RBL1: variants seen among roughly 807,000 people sequenced by gnomAD.
The protein encoded by RBL1 is retinoblastoma-like protein 1.
A neutral mutation model predicts 123.0 loss-of-function variants in RBL1; 82 were observed. The observed-to-expected ratio is 0.67, with a 90% CI of 0.56 to 0.80. The LOEUF (loss-of-function observed/expected upper bound fraction) is 0.80, where lower values mean the gene tolerates loss of function less well. Ranked by LOEUF, RBL1 falls within the 30% of genes least tolerant of loss-of-function variation. RBL1 has a pLI of 0.00. For missense variants in RBL1, 1,171 were observed against 1,299.6 expected, an observed-to-expected ratio of 0.90 and a Z score of 1.52; for synonymous variants, 405 against 441.3, an observed-to-expected ratio of 0.92 and a Z score of 1.03.
intron 16 of RBL1, among the ~76,000 whole-genome samples, chr20:37,023,040 C>G (rs1229593926): frequency 1.3e-5 from 2 of 152,026 alleles, no homozygotes; most frequent in Non-Finnish European, 2.9e-5. Context: ...TCATCTATTA[C>G]TCTATGCTGC....
chr20:37,016,906 AT>A (rs911493989), intron 19 of RBL1, among the ~76,000 whole-genome samples: 1 of 147,044 alleles, frequency 6.8e-6, no homozygotes, highest in Admixed American at 6.8e-5. Flanking sequence ...AAAAGAAAAA[AT>A]AAAAGAGAAA....
At chr20:37,060,079 G>A (rs1375985627) in intron 9 of RBL1, among the ~76,000 whole-genome samples, 1 of 152,076 alleles carries the variant, frequency 6.6e-6, no homozygotes, top group Admixed American at 6.6e-5. Context: ...GGCTGAGGCA[G>A]GAGAATCACT....
chr20:37,022,842 A>G lies in RBL1; in HGVS notation c.2383-16T>C. On this transcript the variant is annotated splice_polypyrimidine_tract_variant and intron_variant, in intron 16 of 21. Transcript: ENST00000373664. ...AATGATAGACCTAAAATAGAAGGTA[A>G]CACATTGATGCAAAACACCAAGTAA... 1 of 1,584,680 alleles carries G rather than the reference A, an allele frequency of 6.3e-7. No individual in the cohort carries two copies.
intron 16 of RBL1, among the ~76,000 whole-genome samples, chr20:37,028,884 G>A (rs2064463231): frequency 6.6e-6 from 1 of 152,134 alleles, no homozygotes; most frequent in Non-Finnish European, 1.5e-5. Flanking sequence ...TGATAGCAAA[G>A]CCAGACAAAG....
chr20:37,085,281 C>T lies in RBL1; in HGVS notation c.290+3708G>A, dbSNP rs535517471. Among the ~76,000 whole-genome samples the T allele has an allele frequency of 7.9e-5, 12 of 151,654 alleles. No individual in the cohort carries two copies. In the South Asian group the frequency reaches 1.9e-3, roughly 24 times the overall value. On this transcript the variant is annotated intron_variant, in intron 2 of 21. Coordinates refer to ENST00000373664, the MANE Select transcript of RBL1 (RefSeq NM_002895.5). ...CCCAGTAGCTAGGATTACAGGCACC[C>T]GCAACCACGCCCAGCTAATTTTTTT...
intron 20 of RBL1, among the ~76,000 whole-genome samples, chr20:37,005,092 G>T (rs1225605771): frequency 6.6e-6 from 1 of 151,894 alleles, no homozygotes; most frequent in Non-Finnish European, 1.5e-5. Context: ...CCACGAGCAT[G>T]AGAACCTCAT....
intron 19 of RBL1, among the ~76,000 whole-genome samples, chr20:37,012,678 G>A (rs1480598535): frequency 4.1e-5 from 6 of 147,798 alleles, no homozygotes; most frequent in South Asian, 4.3e-4. Context: ...CAGCCACCCC[G>A]TCCGGGAGGG....
chr20:37,003,859 G>A lies in RBL1; in HGVS notation c.2879C>T (p.Ala960Val), dbSNP rs763985224. ...DLANQDHMMD[A>V]PPLSPFPHIK... ...ATGTGGAAAAGGAGAGAGTGGTGGAGCATCCATCTAAAATAACCCAAAAGT... is the reference window on the plus strand; with the variant it reads ...ATGTGGAAAAGGAGAGAGTGGTGGAACATCCATCTAAAATAACCCAAAAGT... Residue 960 changes from alanine to valine, a missense_variant, in exon 21 of 22, where the codon GCT becomes GTT. Coordinates refer to ENST00000373664, the MANE Select transcript of RBL1 (RefSeq NM_002895.5). 6.2e-7 allele frequency: 1 copy of A among 1,604,442 alleles called. No individual in the cohort carries two copies. The highest frequency in any genetic ancestry group is 8.5e-7 in the Non-Finnish European group (1 of 1,176,584).
intron 18 of RBL1, among the ~76,000 whole-genome samples, chr20:37,019,258 C>G (rs1321239569): frequency 1.3e-5 from 2 of 152,114 alleles, no homozygotes; most frequent in Non-Finnish European, 2.9e-5. Context: ...CCAGCCCATT[C>G]CCATCTCCTT....
Position 37,032,877 on chromosome 20 carries a change from C to A in RBL1, c.2171-1G>T. The A allele has an allele frequency of 3.1e-6, 5 of 1,613,654 alleles. No homozygotes were observed. Among genetic ancestry groups the A allele is most frequent in the Non-Finnish European group, 4.2e-6 (5 of 1,179,928 alleles). ...ATCTCTCCAGCATCATTTGCGACACCTGAATGTATAAGCATTATTAGAAAT... is the reference window on the plus strand; with the variant it reads ...ATCTCTCCAGCATCATTTGCGACACATGAATGTATAAGCATTATTAGAAAT... On this transcript the variant is annotated splice_acceptor_variant, in intron 15 of 21. Coordinates refer to ENST00000373664, the MANE Select transcript of RBL1 (RefSeq NM_002895.5). LOFTEE classifies it high-confidence loss of function.
At chr20:37,086,407 T>G (rs2065546392) in intron 2 of RBL1, among the ~76,000 whole-genome samples, 1 of 151,966 alleles carries the variant, frequency 6.6e-6, no homozygotes, top group Non-Finnish European at 1.5e-5. Flanking sequence ...GCCAACATGG[T>G]GAAACCCTCT....
At chr20:37,085,439 G>A (rs2065526311) in intron 2 of RBL1, among the ~76,000 whole-genome samples, 1 of 151,716 alleles carries the variant, frequency 6.6e-6, no homozygotes, top group Admixed American at 6.6e-5. Context: ...CGTGGCCAAG[G>A]ATACTGCTTT....
At chr20:37,076,679 C>T (rs1168813542) in intron 2 of RBL1, among the ~76,000 whole-genome samples, 6 of 152,182 alleles carry the variant, frequency 3.9e-5, no homozygotes, top group African/African-American at 1.4e-4. Flanking sequence ...GAAAGTGAAA[C>T]CAAGGATAAA....
chr20:37,011,741 G>C (rs2064151444), intron 19 of RBL1, among the ~76,000 whole-genome samples: 1 of 151,996 alleles, frequency 6.6e-6, no homozygotes, highest in Non-Finnish European at 1.5e-5. Flanking sequence ...AGCCAGAAAT[G>C]GGTTTTTACT....
chr20:37,062,334 G>T, intron 7 of RBL1, 64 bp from the exon 8 acceptor site: 1 of 1,553,794 alleles, frequency 6.4e-7, no homozygotes, highest in Non-Finnish European at 8.7e-7. Context: ...TTGACTTGAA[G>T]ATAGATTTAG....
At chr20:37,049,304 T>C in intron 11 of RBL1, 1 of 637,776 alleles carries the variant, frequency 1.6e-6, no homozygotes, top group East Asian at 2.6e-5. Flanking sequence ...CCCTCAAGGT[T>C]GAACCCTCGG....
intron 19 of RBL1, 117 bp from the exon 20 acceptor site, chr20:37,007,676 C>T: frequency 1.0e-6 from 1 of 967,076 alleles, no homozygotes; most frequent in Non-Finnish European, 1.5e-6. Context: ...CACTGCAGCC[C>T]TGACCTCCTG....
chr20:37,074,057 G>A (rs544906610), intron 2 of RBL1, among the ~76,000 whole-genome samples: 1 of 152,256 alleles, frequency 6.6e-6, no homozygotes, highest in African/African-American at 2.4e-5. Flanking sequence ...CTTGCAGTGA[G>A]CTGAGATCGC....
rs1009567709 is a variant in RBL1, at chr20:36,997,606, C to CA, written c.*1152dup. The stretch of plus-strand genomic sequence containing the variant: ...TGAGAATGACTGATAACTATGATCT[C>CA]AAAAACAGTATATCACACATAATCA... On this transcript the variant is annotated 3_prime_UTR_variant, in exon 22 of 22. Coordinates refer to ENST00000373664, the MANE Select transcript of RBL1 (RefSeq NM_002895.5). The CA allele has an allele frequency of 6.6e-6, 1 of 151,962 alleles. No individual in the cohort carries two copies. The highest frequency in any genetic ancestry group is 2.4e-5 in the African/African-American group (1 of 41,420). 9.4% of individuals were successfully genotyped at this position (151,962 alleles called of 1,614,324 possible).
Sources: gnomAD v4.1 joint callset for allele counts (sites outside exome capture counted in the v4.1 genomes callset) on GRCh38, gnomAD v4.1.1 for gene constraint, MANE v1.5 for transcripts, NCBI Gene and HGNC (gene_info 2026-07-23, HGNC 2026-07-21) for gene names.